The following FGF14 variants were observed in gnomAD, a reference collection of about 807,000 sequenced individuals.
FGF14 encodes the protein fibroblast growth factor 14.
In FGF14, 5 loss-of-function variants were observed where a neutral mutation model predicts 25.5. The ratio of observed to expected loss-of-function variants is 0.20; its 90% CI spans 0.10 to 0.41. FGF14 has a LOEUF of 0.41. Among genes scored for constraint, FGF14 ranks in the 10% least tolerant of loss-of-function variants. The probability of loss-of-function intolerance (pLI) is 1.00; values close to 1 mark genes in which losing one functional copy is unlikely to be tolerated. For synonymous variants in FGF14, 138 were observed against 118.3 expected (o/e 1.17, Z -1.08); for missense variants, 222 against 320.1 (o/e 0.69, Z 2.34).
intron 3 of FGF14, among the ~76,000 whole-genome samples, chr13:101,797,636 A>G (rs1417955649): frequency 1.3e-5 from 2 of 151,950 alleles, no homozygotes; most frequent in Non-Finnish European, 2.9e-5. Flanking sequence ...TGGCTTTGAG[A>G]GTTGCACTCC....
chr13:101,936,032 T>G (rs1012425001), intron 1 of FGF14, among the ~76,000 whole-genome samples: 1 of 152,216 alleles, frequency 6.6e-6, no homozygotes, highest in African/African-American at 2.4e-5. Flanking sequence ...TCCATGGTCT[T>G]AAACATCCCA....
intron 1 of FGF14, among the ~76,000 whole-genome samples, chr13:102,108,696 C>T (rs1415837066): frequency 6.6e-6 from 1 of 152,162 alleles, no homozygotes; most frequent in Non-Finnish European, 1.5e-5. Flanking sequence ...TTTAATTGAA[C>T]AGCCCTTGTT....
At chr13:102,269,274 A>C (rs1187562178) in intron 1 of FGF14, among the ~76,000 whole-genome samples, 1 of 152,220 alleles carries the variant, frequency 6.6e-6, no homozygotes, top group Non-Finnish European at 1.5e-5. Context: ...ATAGACTACA[A>C]TTGTAAAACA....
chr13:102,013,983 G>T (rs1290657456), intron 1 of FGF14, among the ~76,000 whole-genome samples: 4 of 152,026 alleles, frequency 2.6e-5, no homozygotes, highest in Non-Finnish European at 5.9e-5. Context: ...TATATGTCAG[G>T]TACTTTTAAT....
intron 1 of FGF14, among the ~76,000 whole-genome samples, chr13:102,072,213 C>A (rs1162438254): frequency 1.3e-5 from 2 of 152,144 alleles, no homozygotes; most frequent in African/African-American, 4.8e-5. Flanking sequence ...AATTTCAGGA[C>A]ACAAAATTGC....
intron 1 of FGF14, among the ~76,000 whole-genome samples, chr13:102,178,791 G>A (rs561735774): frequency 6.6e-6 from 1 of 152,114 alleles, no homozygotes; most frequent in South Asian, 2.1e-4. Context: ...TCTCACAAAA[G>A]TTGTGAGATA....
chr13:101,970,122 A>G (rs960011569), intron 1 of FGF14, among the ~76,000 whole-genome samples: 29 of 152,212 alleles, frequency 1.9e-4, no homozygotes, highest in Non-Finnish European at 1.0e-4. Flanking sequence ...CTTAAATGTC[A>G]TATTTTGAAG....
chr13:102,191,601 G>C (rs1211090105), intron 1 of FGF14, among the ~76,000 whole-genome samples: 1 of 151,952 alleles, frequency 6.6e-6, no homozygotes, highest in Non-Finnish European at 1.5e-5. Context: ...ATATAACTTT[G>C]AGTGGCACAC....
intron 1 of FGF14, among the ~76,000 whole-genome samples, chr13:102,398,013 AGT>A (rs3067869): frequency 0.03 from 4,350 of 147,202 alleles, 80 homozygotes; most frequent in African/African-American, 0.052. Context: ...GACATTTAAG[AGT>A]GTGTGTGTGT....
chr13:101,826,263 T>A (rs1435625676), intron 3 of FGF14, among the ~76,000 whole-genome samples: 1 of 151,944 alleles, frequency 6.6e-6, no homozygotes, highest in Non-Finnish European at 1.5e-5. Context: ...CCTCCCCCCG[T>A]CCCCGATACA....
chr13:102,161,582 A>AGAAGAGGAAGAAGAG (rs2047663366), intron 1 of FGF14, among the ~76,000 whole-genome samples: 1 of 3,070 alleles, frequency 3.3e-4, no homozygotes, highest in Non-Finnish European at 4.8e-4. Context: ...AGAAAGAAGA[A>AGAAGAGGAAGAAGAG]GAAGAAGAAG....
chr13:102,300,954 C>CAT (rs1404536995), intron 1 of FGF14, among the ~76,000 whole-genome samples: 1 of 149,866 alleles, frequency 6.7e-6, no homozygotes, highest in African/African-American at 2.4e-5. Flanking sequence ...CACACACACA[C>CAT]ACACACACAC....
intron 1 of FGF14, among the ~76,000 whole-genome samples, chr13:102,013,772 AT>A (rs1416519610): frequency 6.6e-6 from 1 of 152,134 alleles, no homozygotes; most frequent in African/African-American, 2.4e-5. Context: ...CATATATGAC[AT>A]TTTATTTCAT....
intron 1 of FGF14, among the ~76,000 whole-genome samples, chr13:102,372,485 G>A (rs758060738): frequency 2.3e-4 from 35 of 152,230 alleles, no homozygotes; most frequent in African/African-American, 8.2e-4. Flanking sequence ...CTTGGTTGAC[G>A]TATGCCACTA....
At chr13:101,899,205 A>T (rs2031183250) in intron 1 of FGF14, among the ~76,000 whole-genome samples, 1 of 124,614 alleles carries the variant, frequency 8.0e-6, no homozygotes, top group Non-Finnish European at 1.6e-5. Context: ...TGTAATAAAA[A>T]GAAAAAAAAT....
In FGF14 at chr13:102,095,977, TTGTGTGTG is replaced by T. The variant is rs35113785; in HGVS notation, c.209-220689_209-220682del. Reference sequence around the variant, plus strand: ...TCAACTGTACATATTTAAATACAATTTGTGTGTGTGTGTGTGTGTGTGTGTATATATAT... The same window carrying T: ...TCAACTGTACATATTTAAATACAATTTGTGTGTGTGTGTGTGTATATATAT... On this transcript the variant is annotated intron_variant, in intron 1 of 4. Transcript: ENST00000376131. 2.8e-5 allele frequency among the ~76,000 whole-genome samples: 4 copies of T among 142,732 alleles called. No homozygotes were observed. In the South Asian group the frequency reaches 6.8e-4, roughly 24 times the overall value. The allele number at this position is 142,732 out of a possible 152,430, so 93.6% of individuals were successfully genotyped here.
At chr13:101,788,909 TAG>T (rs781347440) in intron 3 of FGF14, among the ~76,000 whole-genome samples, 496 of 31,042 alleles carry the variant, frequency 0.016, 7 homozygotes, top group East Asian at 0.033. Context: ...TATATATATA[TAG>T]AGAGAGAGAG....
chr13:102,249,317 A>T (rs1249777008), intron 1 of FGF14, among the ~76,000 whole-genome samples: 2 of 152,232 alleles, frequency 1.3e-5, no homozygotes, highest in East Asian at 1.9e-4. Context: ...ATGTTGTTCA[A>T]ATCAGAAGGG....
At chr13:101,954,661 G>A (rs568328311) in intron 1 of FGF14, among the ~76,000 whole-genome samples, 2 of 152,346 alleles carry the variant, frequency 1.3e-5, no homozygotes, top group South Asian at 4.1e-4. Flanking sequence ...CATGGCCCCT[G>A]AGGGCACTCG....
Sources: allele counts gnomAD v4.1 joint callset (sites outside exome capture counted in the v4.1 genomes callset), GRCh38; gene constraint gnomAD v4.1.1; transcripts MANE v1.5; gene names NCBI Gene and HGNC (gene_info 2026-07-23, HGNC 2026-07-21).